Variants in PCDHGB4 observed in about 807,000 individuals in gnomAD.
The protein encoded by PCDHGB4 is protocadherin gamma-B4.
PCDHGB4 carries 38 observed loss-of-function variants against 60.5 expected under a neutral mutation model. The observed-to-expected ratio is 0.63, with a 90% confidence interval of 0.48 to 0.82. The LOEUF (loss-of-function observed/expected upper bound fraction) is 0.82. PCDHGB4 is among the 40% of genes least tolerant of loss of function. PCDHGB4 has a pLI of 0.00. For synonymous variants in PCDHGB4, 456 were observed against 509.7 expected (o/e 0.89, Z 1.42); for missense variants, 1,109 against 1,209.6 (o/e 0.92, Z 1.23).
At chr5:141,504,961 G>A (rs995382728) in intron 2 of PCDHGB4, among the ~76,000 whole-genome samples, 2 of 151,928 alleles carry the variant, frequency 1.3e-5, no homozygotes, top group Non-Finnish European at 2.9e-5. Flanking sequence ...TCAATGCATT[G>A]GACCAGCCTG....
At chr5:141,466,938 G>C (rs985959499) in intron 1 of PCDHGB4, among the ~76,000 whole-genome samples, 1 of 151,854 alleles carries the variant, frequency 6.6e-6, no homozygotes, top group Non-Finnish European at 1.5e-5. Context: ...TTAGTCCTTT[G>C]TCCAGTAAAC....
Position 141,476,480 on chromosome 5 carries a change from G to A in PCDHGB4, c.2398-18327G>A, listed in dbSNP as rs761828753. 1 of 1,614,108 alleles carries A rather than the reference G, an allele frequency of 6.2e-7. No individual in the cohort carries two copies. The highest frequency in any genetic ancestry group is 2.2e-5 in the East Asian group (1 of 44,846). On this transcript the variant is annotated intron_variant, in intron 1 of 3. Transcript: ENST00000519479. This position sits in a 1 kb window ranked among gnomAD's most constrained non-coding sequence, Gnocchi z 7.6. ...GAACCCGCTGGAGCTGTTCAGCGTG[G>A]AAGTGGTGATCCAGGACATCAACGA...
intron 1 of PCDHGB4, chr5:141,395,524 T>A: frequency 2.5e-6 from 1 of 392,376 alleles, no homozygotes; most frequent in Non-Finnish European, 4.5e-6. Flanking sequence ...CCGTCCATAC[T>A]GGTAATTTTG....
At chr5:141,403,524 A>T in intron 1 of PCDHGB4, 1 of 1,613,890 alleles carries the variant, frequency 6.2e-7, no homozygotes. Context: ...GGAGCCATAA[A>T]CCCAGAGCTG....
intron 1 of PCDHGB4, chr5:141,427,212 C>T (rs2097000434): frequency 4.4e-6 from 2 of 456,702 alleles, no homozygotes; most frequent in Non-Finnish European, 8.8e-6. Flanking sequence ...CTTCGAATTT[C>T]GTAGCAGTTA....
At chr5:141,401,058 T>A (rs967099811) in intron 1 of PCDHGB4, among the ~76,000 whole-genome samples, 1 of 152,236 alleles carries the variant, frequency 6.6e-6, no homozygotes, top group African/African-American at 2.4e-5. Flanking sequence ...AAATACTATA[T>A]GTTGGCTGGG....
chr5:141,507,872 C>T (rs2099864458), intron 3 of PCDHGB4, among the ~76,000 whole-genome samples: 1 of 152,168 alleles, frequency 6.6e-6, no homozygotes, highest in African/African-American at 2.4e-5. Flanking sequence ...GCTTCCTAGC[C>T]CTGAAACCAG....
chr5:141,494,074 C>A (rs2099751716), intron 1 of PCDHGB4, among the ~76,000 whole-genome samples: 1 of 152,180 alleles, frequency 6.6e-6, no homozygotes, highest in Non-Finnish European at 1.5e-5. Context: ...GGATCCCTCC[C>A]CGCTGCATCC....
intron 1 of PCDHGB4, chr5:141,400,544 A>G (rs1436586530): frequency 6.2e-7 from 1 of 1,613,568 alleles, no homozygotes; most frequent in Non-Finnish European, 8.5e-7. Flanking sequence ...ATTTATGTCT[A>G]TTCTTTTTCA....
intron 1 of PCDHGB4, among the ~76,000 whole-genome samples, chr5:141,430,346 C>G (rs1191705310): frequency 6.8e-6 from 1 of 148,074 alleles, no homozygotes; most frequent in Non-Finnish European, 1.5e-5. Context: ...ACTTCCAATT[C>G]ATTTAAAAGC....
intron 1 of PCDHGB4, among the ~76,000 whole-genome samples, chr5:141,452,068 A>G (rs554365813): frequency 1.1e-3 from 160 of 152,308 alleles, no homozygotes; most frequent in Middle Eastern, 6.8e-3. Flanking sequence ...TTCTACTTTT[A>G]TTAGTTGGCA....
chr5:141,438,635 TACACAC>T (rs56854727), intron 1 of PCDHGB4, among the ~76,000 whole-genome samples: 557 of 33,182 alleles, frequency 0.017, 8 homozygotes, highest in South Asian at 0.028. Flanking sequence ...TATATATATA[TACACAC>T]ACACACACAC....
intron 1 of PCDHGB4, among the ~76,000 whole-genome samples, chr5:141,462,745 TATG>T (rs1249238113): frequency 6.6e-6 from 1 of 152,262 alleles, no homozygotes; most frequent in Non-Finnish European, 1.5e-5. Flanking sequence ...CTGTAATTCC[TATG>T]ATGATTTTCT....
At chr5:141,413,075 A>G (rs1013709122) in intron 1 of PCDHGB4, 4 of 1,246,610 alleles carry the variant, frequency 3.2e-6, no homozygotes, top group South Asian at 3.1e-5. Context: ...TAAAGTGCCC[A>G]GGCTACAGAG....
chr5:141,446,797 A>G lies in PCDHGB4; in HGVS notation c.2398-48010A>G, dbSNP rs559881142. ...CCATTCTTTTACTCTGAGTTCTTCC[A>G]TTGTGATCATCTAGTCAGATGGGTA... is the stretch of plus-strand genomic sequence containing the variant. On this transcript the variant is annotated intron_variant, in intron 1 of 3. Coordinates refer to ENST00000519479, the MANE Select transcript of PCDHGB4 (RefSeq NM_003736.4). Among the ~76,000 whole-genome samples, 48 of 152,224 alleles carry G rather than the reference A, an allele frequency of 3.2e-4. No individual in the cohort carries two copies. In the South Asian group the frequency reaches 7.3e-3, roughly 23 times the overall value.
At chr5:141,456,364 G>A (rs778916049) in intron 1 of PCDHGB4, among the ~76,000 whole-genome samples, 2 of 152,258 alleles carry the variant, frequency 1.3e-5, no homozygotes, top group Admixed American at 6.5e-5. Flanking sequence ...TCCATGTGTG[G>A]TTCAGTTTAC....
chr5:141,407,089 TTTTA>T (rs2094885755), intron 1 of PCDHGB4, among the ~76,000 whole-genome samples: 2 of 152,196 alleles, frequency 1.3e-5, no homozygotes, highest in South Asian at 4.1e-4. Flanking sequence ...TGAAGAATTG[TTTTA>T]TTTGTTTGTA....
At chr5:141,430,244 A>G (rs903055705) in intron 1 of PCDHGB4, among the ~76,000 whole-genome samples, 1 of 105,606 alleles carries the variant, frequency 9.5e-6, no homozygotes, top group Non-Finnish European at 1.8e-5. Context: ...AGAAACTCCT[A>G]GGGAGACATC....
intron 1 of PCDHGB4, chr5:141,393,973 G>T (rs776954838): frequency 4.3e-6 from 7 of 1,613,668 alleles, no homozygotes; most frequent in Non-Finnish European, 5.1e-6. Context: ...TGTTACACAC[G>T]TGATAATTTA....
Sources: gnomAD v4.1 joint callset for allele counts (sites outside exome capture counted in the v4.1 genomes callset) on GRCh38, gnomAD v4.1.1 for gene constraint, Gnocchi (gnomAD v3.1) non-coding constraint, MANE v1.5 for transcripts, NCBI Gene and HGNC (gene_info 2026-07-23, HGNC 2026-07-21) for gene names.